Variants in IQGAP2 observed in about 807,000 individuals in gnomAD.
The protein encoded by IQGAP2 is IQ motif containing GTPase activating protein 2.
A neutral mutation model predicts 201.3 loss-of-function variants in IQGAP2; 173 were observed. The observed-to-expected ratio is 0.86, with a 90% CI of 0.76 to 0.98. The LOEUF (loss-of-function observed/expected upper bound fraction) is 0.98, where lower values mean the gene tolerates loss of function less well. Ranked by LOEUF, IQGAP2 falls within the 50% of genes least tolerant of loss-of-function variation. The pLI is 0.00. For missense variants in IQGAP2, 1,687 were observed against 1,864.8 expected, an observed-to-expected ratio of 0.90 and a Z score of 1.76; for synonymous variants, 675 against 673.9, an observed-to-expected ratio of 1.00 and a Z score of -0.03.
chr5:76,518,434 T>C (rs1040432822), intron 2 of IQGAP2, among the ~76,000 whole-genome samples: 4 of 152,192 alleles, frequency 2.6e-5, no homozygotes, highest in African/African-American at 4.8e-5. Context: ...GTGAGACTTA[T>C]TCATTATCAT....
intron 5 of IQGAP2, among the ~76,000 whole-genome samples, chr5:76,578,691 G>A (rs1007613288): frequency 6.6e-6 from 1 of 152,006 alleles, no homozygotes; most frequent in Admixed American, 6.5e-5. Context: ...GGAAAAAATT[G>A]GAAAATCCAG....
At chr5:76,452,146 AG>A (rs1753795222) in intron 1 of IQGAP2, among the ~76,000 whole-genome samples, 1 of 149,486 alleles carries the variant, frequency 6.7e-6, no homozygotes, top group South Asian at 2.1e-4. Context: ...AAAAAAAAAA[AG>A]AACAAATCTG....
intron 5 of IQGAP2, among the ~76,000 whole-genome samples, chr5:76,579,873 C>T (rs1473786548): frequency 6.6e-6 from 1 of 152,134 alleles, no homozygotes; most frequent in African/African-American, 2.4e-5. Context: ...CTCCTTGGTT[C>T]TTCCTTATCT....
chr5:76,597,217 T>G, intron 9 of IQGAP2: 1 of 556,166 alleles, frequency 1.8e-6, no homozygotes, highest in Non-Finnish European at 3.2e-6. Flanking sequence ...TACCCTAAGC[T>G]CCATCAATGC....
At position 76,702,614 on chromosome 5, in the gene IQGAP2, A is replaced by G. The variant is rs1288356259; in HGVS notation, c.4614+24A>G. ...AGGTAAGCTGCTGGAATTTCTGCAC[A>G]TTGATGATAAATTTTATATGTGGAT... On this transcript the variant is annotated intron_variant, in intron 35 of 35. Coordinates refer to ENST00000274364, the MANE Select transcript of IQGAP2 (RefSeq NM_006633.5). 9.3e-6 allele frequency: 10 copies of G among 1,072,986 alleles called. 1 individual carries two copies. In the Middle Eastern group the frequency reaches 6.0e-4, roughly 64 times the overall value. 66.5% of individuals were successfully genotyped at this position (1,072,986 alleles called of 1,614,324 possible). A position where few individuals can be genotyped will look rare whatever the true frequency, so the allele number is the denominator to read the frequency against.
At chr5:76,432,799 A>G (rs1370745872) in intron 1 of IQGAP2, among the ~76,000 whole-genome samples, 2 of 152,128 alleles carry the variant, frequency 1.3e-5, no homozygotes, top group African/African-American at 4.8e-5. Context: ...CAACTTTGAG[A>G]GATACACCTG....
intron 2 of IQGAP2, among the ~76,000 whole-genome samples, chr5:76,521,318 A>G (rs1406063762): frequency 6.6e-6 from 1 of 152,212 alleles, no homozygotes; most frequent in Non-Finnish European, 1.5e-5. Flanking sequence ...GGGTCTAGCC[A>G]GCTTTTCATA....
rs1744034589 is a variant in IQGAP2 at position 76,668,856 on chromosome 5, A to T, written c.2843+12A>T. ...GAGGAAGAAATAAAGTATGTATACA[A>T]ATATGTATGTAAAAATACCAGTGAA... is the stretch of plus-strand genomic sequence containing the variant. On this transcript the variant is annotated intron_variant, in intron 23 of 35. Transcript: ENST00000274364. The T allele has an allele frequency of 4.0e-6, 6 of 1,514,242 alleles. No homozygotes were observed. The African/African-American group carries it at 7.0e-5, about 18-fold the overall frequency. The allele number at this position is 1,514,242 out of a possible 1,614,324, so 93.8% of individuals were successfully genotyped here.
intron 5 of IQGAP2, among the ~76,000 whole-genome samples, chr5:76,576,065 A>G (rs1007991792): frequency 3.3e-5 from 5 of 152,196 alleles, no homozygotes; most frequent in Admixed American, 6.5e-5. Flanking sequence ...TAGAAATCCA[A>G]TTGTAATGTA....
At chr5:76,457,272 C>G (rs79398022) in intron 1 of IQGAP2, among the ~76,000 whole-genome samples, 4 of 152,054 alleles carry the variant, frequency 2.6e-5, no homozygotes, top group African/African-American at 9.7e-5. Context: ...CTACCCCAGC[C>G]GGACATATTT....
At chr5:76,686,542 C>CTCTG (rs1266018400) in intron 30 of IQGAP2, among the ~76,000 whole-genome samples, 3 of 152,114 alleles carry the variant, frequency 2.0e-5, no homozygotes, top group Non-Finnish European at 4.4e-5. Context: ...CAGCGTCTCG[C>CTCTG]TCTGTCGCCC....
intron 2 of IQGAP2, among the ~76,000 whole-genome samples, chr5:76,531,683 T>G (rs4704325): frequency 0.19 from 29,557 of 152,194 alleles, 4,484 homozygotes; most frequent in East Asian, 0.87. Flanking sequence ...CATTTAATTA[T>G]TCAAAGAATA....
At chr5:76,689,963 A>G (rs574484525) in intron 30 of IQGAP2, among the ~76,000 whole-genome samples, 161 of 152,298 alleles carry the variant, frequency 1.1e-3, no homozygotes, top group African/African-American at 3.8e-3. Flanking sequence ...GGGCTCATTT[A>G]TCTACAGTGG....
At chr5:76,677,484 C>T in intron 28 of IQGAP2, 134 bp downstream of exon 28, 1 of 698,190 alleles carries the variant, frequency 1.4e-6, no homozygotes, top group Non-Finnish European at 2.2e-6. Context: ...AAAAATCTCG[C>T]AATTATTTAT....
intron 2 of IQGAP2, among the ~76,000 whole-genome samples, chr5:76,523,278 G>A (rs1280123400): frequency 6.6e-6 from 1 of 151,728 alleles, no homozygotes; most frequent in Non-Finnish European, 1.5e-5. Context: ...TTTGTAAGGG[G>A]GAGAGTCTCT....
At chr5:76,543,408 G>A (rs989270932) in intron 2 of IQGAP2, among the ~76,000 whole-genome samples, 1 of 152,202 alleles carries the variant, frequency 6.6e-6, no homozygotes, top group African/African-American at 2.4e-5. Context: ...TGGTTGGAGG[G>A]ACGTAAATGT....
At chr5:76,482,401 TA>T (rs1480852567) in intron 2 of IQGAP2, among the ~76,000 whole-genome samples, 1 of 152,218 alleles carries the variant, frequency 6.6e-6, no homozygotes, top group Non-Finnish European at 1.5e-5. Flanking sequence ...CTTTTTCTCT[TA>T]ATAAAGGACT....
Position 76,611,115 on chromosome 5 carries a change from G to T in IQGAP2, c.1453G>T (p.Asp485Tyr). The T allele has an allele frequency of 6.2e-7, 1 of 1,613,998 alleles. No individual in the cohort carries two copies. Among genetic ancestry groups the T allele is most frequent in the Non-Finnish European group, 8.5e-7 (1 of 1,179,888 alleles). The change falls in exon 13 of 36, where the codon GAT becomes TAT. Residue 485 changes from aspartate to tyrosine, a missense_variant. Asp to Tyr is a radical substitution (Grantham distance 160, BLOSUM62 -3). Coordinates refer to ENST00000274364, the MANE Select transcript of IQGAP2 (RefSeq NM_006633.5). ...GCTCCTACCTACTGCGAATATTAGT[G>T]ATGTGGACCCAGCCCATGCCCAGCA... The part of the protein sequence containing the change: ...TLLLPTANIS[D>Y]VDPAHAQHYQ...
intron 2 of IQGAP2, among the ~76,000 whole-genome samples, chr5:76,475,502 C>A (rs1198527886): frequency 6.6e-6 from 1 of 152,178 alleles, no homozygotes; most frequent in Non-Finnish European, 1.5e-5. Context: ...ATCCCACATT[C>A]TCTTTCAAAG....
Sources: allele counts gnomAD v4.1 joint callset (sites outside exome capture counted in the v4.1 genomes callset), GRCh38; gene constraint gnomAD v4.1.1; transcripts MANE v1.5; gene names NCBI Gene and HGNC (gene_info 2026-07-23, HGNC 2026-07-21).